Variants in NBPF11 observed in about 807,000 individuals in gnomAD.
NBPF11 encodes NBPF family member NBPF11.
In NBPF11, 72 loss-of-function variants were observed where a neutral mutation model predicts 93.9. That is an observed-to-expected ratio of 0.77 (90% CI 0.63 to 0.93). NBPF11 has a LOEUF of 0.93. Ranked by LOEUF, NBPF11 falls within the 40% of genes least tolerant of loss-of-function variation. The pLI, the probability that NBPF11 is intolerant of heterozygous loss-of-function variation, is 0.00. For missense variants in NBPF11, 705 were observed against 802.2 expected (o/e 0.88, Z 1.46); for synonymous variants, 224 against 304.9 (o/e 0.73, Z 2.76).
In NBPF11 at chr1:148,106,868, C is replaced by A. The variant is rs1444825331; in HGVS notation, c.2251+74G>T. ...TGAAGTCTCTCGGGTCAGTAAGGGC[C>A]ACTTGGAACAGGAATATCACCCCTA... On this transcript the variant is annotated intron_variant, in intron 20 of 23. Coordinates refer to ENST00000682118, the MANE Select transcript of NBPF11 (RefSeq NM_001385469.3). 738 of 795,658 alleles carry A rather than the reference C, an allele frequency of 9.3e-4. 31 individuals carry two copies. The African/African-American group carries it at 0.012, about 13-fold the overall frequency. The allele number at this position is 795,658 out of a possible 1,614,324, so 49.3% of individuals were successfully genotyped here.
At chr1:148,109,454 C>T (rs1468177150) in intron 16 of NBPF11, 119 bp from the exon 17 acceptor site, 1 of 801,708 alleles carries the variant, frequency 1.2e-6, no homozygotes, top group Non-Finnish European at 2.1e-6. Flanking sequence ...AAACAGGAGA[C>T]TTTGAGAGAA....
intron 1 of NBPF11, among the ~76,000 whole-genome samples, chr1:148,145,705 C>T (rs1672888539): frequency 6.6e-6 from 1 of 151,374 alleles, no homozygotes; most frequent in African/African-American, 2.4e-5. Flanking sequence ...ATGGCAAAAC[C>T]CCATGTCTAG....
intron 6 of NBPF11, among the ~76,000 whole-genome samples, 156 bp from the exon 7 acceptor site, chr1:148,124,223 C>A (rs2092661): frequency 6.6e-6 from 1 of 151,840 alleles, no homozygotes; most frequent in Non-Finnish European, 1.5e-5. Flanking sequence ...AGAGAAAGAA[C>A]AGAAAATGGT....
In NBPF11 at chr1:148,124,880, C is replaced by G. The variant is rs1468253222; in HGVS notation, c.278+19G>C. ...TCTACACACCTACCTGCCTGTCTCC[C>G]CCTACGGGGTCCCCTCACCTGAGCT... On this transcript the variant is annotated intron_variant, in intron 6 of 23. Coordinates refer to ENST00000682118, the MANE Select transcript of NBPF11 (RefSeq NM_001385469.3). 4 of 1,607,492 alleles carry G rather than the reference C, an allele frequency of 2.5e-6. No individual in the cohort carries two copies. The South Asian group carries it at 4.4e-5, about 18-fold the overall frequency.
intron 4 of NBPF11, among the ~76,000 whole-genome samples, chr1:148,132,717 A>G (rs1571476598): frequency 2.2e-5 from 1 of 46,180 alleles, no homozygotes; most frequent in Admixed American, 2.3e-4. Flanking sequence ...AATTTTGTTG[A>G]CTTTCCTTTT....
intron 15 of NBPF11, among the ~76,000 whole-genome samples, chr1:148,111,010 C>A (rs1385503451): frequency 2.0e-5 from 3 of 151,226 alleles, no homozygotes; most frequent in Non-Finnish European, 4.4e-5. Context: ...AAAATACTAG[C>A]CAACATACTA....
chr1:148,144,157 T>A (rs2149299691), intron 1 of NBPF11, among the ~76,000 whole-genome samples: 1 of 150,072 alleles, frequency 6.7e-6, no homozygotes, highest in South Asian at 2.1e-4. Flanking sequence ...GAATTAAGAG[T>A]GTGTGGGCGT....
intron 16 of NBPF11, among the ~76,000 whole-genome samples, chr1:148,109,862 G>A (rs1245950255): frequency 7.3e-6 from 1 of 137,738 alleles, no homozygotes; most frequent in Non-Finnish European, 1.5e-5. Context: ...ATGACGGACA[G>A]ATGAGCTAAA....
intron 1 of NBPF11, chr1:148,146,376 G>C (rs1673073739): frequency 5.6e-5 from 88 of 1,561,002 alleles, no homozygotes; most frequent in African/African-American, 1.4e-5. Flanking sequence ...GTGGAGGCCC[G>C]GCCCGGGCGG....
In NBPF11 at chr1:148,122,179, A is replaced by C. The variant is rs2149235970; in HGVS notation, c.654T>G (p.Cys218Trp). 6 of 1,612,950 alleles carry C rather than the reference A, an allele frequency of 3.7e-6. No homozygotes were observed. In the East Asian group the frequency reaches 1.3e-4, roughly 36 times the overall value. ...TGTTCTTGTGAGGCTGGATGGAGTC[A>C]CAAGGGCCGTGGCTATTTGAACAAG... ...AITCSNSHGP[C>W]DSIQPHKNIK... The change falls in exon 9 of 24, where the codon TGT becomes TGG. Residue 218 changes from cysteine to tryptophan, a missense_variant. Physicochemically the swap from Cys to Trp is radical, Grantham distance 215. This residue lies in a region of NBPF11 where 262 missense variants were observed against 223.1 expected (regional missense o/e 1.17). Transcript: ENST00000682118.
At chr1:148,148,491 G>T (rs1463599171) in intron 1 of NBPF11, among the ~76,000 whole-genome samples, 1 of 152,032 alleles carries the variant, frequency 6.6e-6, no homozygotes, top group Non-Finnish European at 1.5e-5. Flanking sequence ...GGGTGCCCCT[G>T]GGTGGGAGCT....
At chr1:148,141,645 C>A (rs1672188688) in intron 2 of NBPF11, among the ~76,000 whole-genome samples, 1 of 151,826 alleles carries the variant, frequency 6.6e-6, no homozygotes, top group African/African-American at 2.4e-5. Flanking sequence ...CGGAACACAG[C>A]TAGCAGATCA....
intron 1 of NBPF11, among the ~76,000 whole-genome samples, chr1:148,145,769 A>C (rs1476120626): frequency 6.6e-6 from 1 of 150,848 alleles, no homozygotes; most frequent in Non-Finnish European, 1.5e-5. Flanking sequence ...GGTCCCAGCT[A>C]CTTGGGGACT....
intron 1 of NBPF11, among the ~76,000 whole-genome samples, chr1:148,150,430 T>A (rs1167385336): frequency 2.6e-5 from 4 of 151,348 alleles, no homozygotes; most frequent in East Asian, 3.9e-4. Flanking sequence ...ATTGTGAACT[T>A]CTTCTGTATA....
At chr1:148,151,298 C>T (rs1231365974) in intron 1 of NBPF11, among the ~76,000 whole-genome samples, 1 of 151,944 alleles carries the variant, frequency 6.6e-6, no homozygotes, top group East Asian at 1.9e-4. Context: ...TTGCCCATCA[C>T]CAGCCTGGAG....
intron 14 of NBPF11, among the ~76,000 whole-genome samples, chr1:148,115,162 C>CGCAAAAAAAAAA (rs1666177688): frequency 6.6e-5 from 1 of 15,168 alleles, no homozygotes; most frequent in African/African-American, 5.1e-4. Flanking sequence ...AGGACTCCAT[C>CGCAAAAAAAAAA]ACAAAAAAAA....
At chr1:148,149,161 G>C in intron 1 of NBPF11, 3 of 1,589,394 alleles carry the variant, frequency 1.9e-6, no homozygotes, top group South Asian at 1.1e-5. Flanking sequence ...GCGCCGCCAG[G>C]TACGGCATCA....
chr1:148,144,814 T>TA (rs1672740588), intron 1 of NBPF11, among the ~76,000 whole-genome samples: 1 of 151,454 alleles, frequency 6.6e-6, no homozygotes, highest in Non-Finnish European at 1.5e-5. Flanking sequence ...CTACAAAAAA[T>TA]AAAAAATTAG....
chr1:148,117,082 C>T (rs1232519216), intron 12 of NBPF11, among the ~76,000 whole-genome samples: 3 of 151,926 alleles, frequency 2.0e-5, no homozygotes, highest in African/African-American at 7.3e-5. Flanking sequence ...CGGAGAGGGG[C>T]TTCATCTCAT....
Sources: allele counts gnomAD v4.1 joint callset (sites outside exome capture counted in the v4.1 genomes callset), GRCh38; gene constraint gnomAD v4.1.1; regional missense constraint gnomAD v4.1.1; transcripts MANE v1.5; gene names NCBI Gene and HGNC (gene_info 2026-07-23, HGNC 2026-07-21).